The following ARHGAP10 variants were observed in gnomAD, a reference collection of about 807,000 sequenced individuals.
ARHGAP10 encodes Rho GTPase activating protein 10.
A neutral mutation model predicts 108.6 loss-of-function variants in ARHGAP10; 87 were observed. The observed-to-expected ratio is 0.80, with a 90% confidence interval of 0.67 to 0.96. ARHGAP10 has a LOEUF of 0.96. ARHGAP10 is among the 40% of genes least tolerant of loss of function. The probability of loss-of-function intolerance (pLI) is 0.00; values close to 1 mark genes in which losing one functional copy is unlikely to be tolerated. For missense variants in ARHGAP10, 939 were observed against 954.5 expected, an observed-to-expected ratio of 0.98 and a Z score of 0.21; for synonymous variants, 347 against 341.1, an observed-to-expected ratio of 1.02 and a Z score of -0.19.
At chr4:147,934,815 A>G (rs1219491295) in intron 13 of ARHGAP10, among the ~76,000 whole-genome samples, 1 of 152,250 alleles carries the variant, frequency 6.6e-6, no homozygotes, top group Non-Finnish European at 1.5e-5. Context: ...CCTGGGTGAC[A>G]GAATGAGACC....
At chr4:147,999,531 C>T (rs577665813) in intron 18 of ARHGAP10, among the ~76,000 whole-genome samples, 48 of 152,236 alleles carry the variant, frequency 3.2e-4, no homozygotes, top group Non-Finnish European at 5.3e-4. Context: ...TCCAGTGAGG[C>T]GCCCATTGCC....
chr4:147,974,823 G>C (rs1277526490), intron 18 of ARHGAP10, among the ~76,000 whole-genome samples: 1 of 152,216 alleles, frequency 6.6e-6, no homozygotes, highest in African/African-American at 2.4e-5. Context: ...AATCATGGCG[G>C]AAGGGGAAAG....
chr4:148,037,653 G>A (rs1447539508), intron 19 of ARHGAP10, among the ~76,000 whole-genome samples: 1 of 152,060 alleles, frequency 6.6e-6, no homozygotes, highest in Non-Finnish European at 1.5e-5. Flanking sequence ...TGGCCAACAT[G>A]GTGAAACCCC....
chr4:147,886,499 A>T (rs758216309), intron 10 of ARHGAP10, among the ~76,000 whole-genome samples: 2 of 152,190 alleles, frequency 1.3e-5, no homozygotes, highest in African/African-American at 2.4e-5. Context: ...TAAGCCCTAC[A>T]GTCTGTTGTT....
At chr4:147,998,236 T>C (rs763649070) in intron 18 of ARHGAP10, among the ~76,000 whole-genome samples, 19 of 152,088 alleles carry the variant, frequency 1.2e-4, no homozygotes, top group Non-Finnish European at 2.6e-4. Flanking sequence ...AGGAAAGGGA[T>C]GGGGAGAGAG....
chr4:147,914,285 C>A lies in ARHGAP10; in HGVS notation c.1228+1146C>A, dbSNP rs182032762. ...ACTTTATTACATACACAGAAAATTT[C>A]TGTTTCCCTCACTGAGTTCTTTTCT... On this transcript the variant is annotated intron_variant, in intron 13 of 22. Coordinates refer to ENST00000336498, the MANE Select transcript of ARHGAP10 (RefSeq NM_024605.4). Among the ~76,000 whole-genome samples the A allele has an allele frequency of 2.6e-5, 4 of 152,294 alleles. No homozygotes were observed. In the East Asian group the frequency reaches 7.7e-4, roughly 29 times the overall value.
intron 13 of ARHGAP10, among the ~76,000 whole-genome samples, chr4:147,918,750 T>C (rs1469641034): frequency 1.3e-5 from 2 of 152,194 alleles, no homozygotes; most frequent in African/African-American, 2.4e-5. Context: ...CAAGCTATGA[T>C]TGAGTGAGAA....
intron 16 of ARHGAP10, among the ~76,000 whole-genome samples, chr4:147,963,819 G>T (rs1023010206): frequency 4.6e-5 from 7 of 152,154 alleles, no homozygotes; most frequent in Non-Finnish European, 7.3e-5. Flanking sequence ...GTATCCCTTG[G>T]CTTGTGGGTC....
chr4:147,845,371 G>C (rs755667583), intron 3 of ARHGAP10, among the ~76,000 whole-genome samples: 21 of 152,208 alleles, frequency 1.4e-4, no homozygotes, highest in Admixed American at 5.9e-4. Flanking sequence ...TTTCCACGAA[G>C]GCAGGGGGCT....
Position 147,913,890 on chromosome 4 carries a change from C to T in ARHGAP10, c.1228+751C>T, listed in dbSNP as rs150301876. On this transcript the variant is annotated intron_variant, in intron 13 of 22. Transcript: ENST00000336498. ...TCAGCTTGCCAGACGTGGTGGCTCA[C>T]GCTGGTAATCCCAGCACTTTGGGAG... Among the ~76,000 whole-genome samples the T allele has an allele frequency of 2.1e-3, 313 of 152,276 alleles. 1 individual carries two copies. The highest frequency in any genetic ancestry group is 6.9e-3 in the African/African-American group (286 of 41,568).
At chr4:147,772,109 C>G (rs575518004) in intron 1 of ARHGAP10, among the ~76,000 whole-genome samples, 1 of 152,270 alleles carries the variant, frequency 6.6e-6, no homozygotes, top group African/African-American at 2.4e-5. Context: ...TAATTTAATG[C>G]TAATTTAAGG....
At chr4:147,950,884 A>T (rs903258846) in intron 15 of ARHGAP10, among the ~76,000 whole-genome samples, 1 of 152,114 alleles carries the variant, frequency 6.6e-6, no homozygotes, top group African/African-American at 2.4e-5. Context: ...CCTGGAGGAA[A>T]CTTCTTTTAA....
intron 4 of ARHGAP10, among the ~76,000 whole-genome samples, chr4:147,849,392 C>T (rs914196931): frequency 2.6e-5 from 4 of 152,168 alleles, no homozygotes; most frequent in African/African-American, 9.7e-5. Flanking sequence ...GCTGCCTAAA[C>T]ATTCAGTCAT....
chr4:148,055,774 C>T (rs1325364730), intron 20 of ARHGAP10, among the ~76,000 whole-genome samples: 1 of 152,152 alleles, frequency 6.6e-6, no homozygotes, highest in Non-Finnish European at 1.5e-5. Context: ...GGCTGGCTCC[C>T]TGCTGCTTGA....
chr4:147,823,432 C>T (rs1261722631), intron 3 of ARHGAP10, among the ~76,000 whole-genome samples: 1 of 152,022 alleles, frequency 6.6e-6, no homozygotes, highest in East Asian at 1.9e-4. Flanking sequence ...TCCCACTTTG[C>T]ATCAAGATTC....
intron 1 of ARHGAP10, among the ~76,000 whole-genome samples, chr4:147,758,099 C>A (rs924704526): frequency 6.6e-6 from 1 of 152,158 alleles, no homozygotes; most frequent in Non-Finnish European, 1.5e-5. Context: ...CCCGTCCATA[C>A]TGAAAATACA....
In ARHGAP10 at chr4:147,847,239, A is replaced by G. The variant is rs767924953; in HGVS notation, c.384+17A>G. 11 of 1,594,084 alleles carry G rather than the reference A, an allele frequency of 6.9e-6. No individual in the cohort carries two copies. The Admixed American group carries it at 1.3e-4, about 19-fold the overall frequency. On this transcript the variant is annotated intron_variant, in intron 4 of 22. Transcript: ENST00000336498. ...GCTGTAAAGGTTTGTGTCTAATTTG[A>G]ATACACTCAGAAAACATAGATGCCT...
chr4:147,873,681 A>AACAC (rs67852364), intron 7 of ARHGAP10, among the ~76,000 whole-genome samples: 1,761 of 98,720 alleles, frequency 0.018, 54 homozygotes, highest in African/African-American at 0.029. Context: ...CAAAAAACAA[A>AACAC]ACACACACAC....
chr4:147,876,247 A>G (rs1011616511), intron 8 of ARHGAP10, among the ~76,000 whole-genome samples: 2 of 152,146 alleles, frequency 1.3e-5, no homozygotes, highest in African/African-American at 4.8e-5. Context: ...TTTCTCATAC[A>G]TTATCTTCTT....
Sources: gnomAD v4.1 joint callset for allele counts (sites outside exome capture counted in the v4.1 genomes callset) on GRCh38, gnomAD v4.1.1 for gene constraint, MANE v1.5 for transcripts, NCBI Gene and HGNC (gene_info 2026-07-23, HGNC 2026-07-21) for gene names.